MALRD1: variants seen among roughly 807,000 people sequenced by gnomAD.
MALRD1 encodes MAM and LDL receptor class A domain containing 1, also known as MAM and LDL-receptor class A domain-containing protein 1.
MALRD1 carries 247 observed loss-of-function variants against 242.1 expected under a neutral mutation model. The ratio of observed to expected loss-of-function variants is 1.02; its 90% CI spans 0.92 to 1.13. MALRD1 has a LOEUF of 1.13. MALRD1 is among the 50% of genes most tolerant of loss of function. The pLI is 0.00. For missense variants in MALRD1, 2,989 were observed against 2,533.1 expected, an observed-to-expected ratio of 1.18 and a Z score of -3.86; for synonymous variants, 995 against 866.6, an observed-to-expected ratio of 1.15 and a Z score of -2.60.
At position 19,438,216 on chromosome 10, in the gene MALRD1, G is replaced by A. The variant is rs566687320; in HGVS notation, c.4846-12091G>A. ...TGTCTTATATAAGTGGAATCATGGA[G>A]TATTTGTCTTTTCGTCACTACCCTA... On this transcript the variant is annotated intron_variant, in intron 28 of 39. Transcript: ENST00000454679. 2.0e-5 allele frequency among the ~76,000 whole-genome samples: 3 copies of A among 151,966 alleles called. No individual in the cohort carries two copies. In the South Asian group the frequency reaches 6.2e-4, roughly 32 times the overall value.
chr10:19,587,649 A>G (rs1837506720), intron 33 of MALRD1, among the ~76,000 whole-genome samples: 1 of 152,268 alleles, frequency 6.6e-6, no homozygotes. Flanking sequence ...TAAATGAACA[A>G]TGAAACTTAA....
At chr10:19,717,595 A>G (rs773806171) in intron 38 of MALRD1, among the ~76,000 whole-genome samples, 5 of 152,192 alleles carry the variant, frequency 3.3e-5, no homozygotes, top group Non-Finnish European at 5.9e-5. Context: ...GTGTTTTATT[A>G]TTAATGCGAA....
At chr10:19,709,122 A>G (rs1368714697) in intron 38 of MALRD1, among the ~76,000 whole-genome samples, 2 of 142,394 alleles carry the variant, frequency 1.4e-5, no homozygotes, top group East Asian at 4.3e-4. Context: ...TATTTCCATT[A>G]TGACTGGGTG....
At chr10:19,471,636 AG>A (rs1218277518) in intron 29 of MALRD1, among the ~76,000 whole-genome samples, 2 of 134,860 alleles carry the variant, frequency 1.5e-5, no homozygotes, top group Non-Finnish European at 3.2e-5. Flanking sequence ...TTTACTTTTC[AG>A]TATGCATATA....
In MALRD1 at chr10:19,048,839, A is replaced by C; in HGVS notation, c.-100A>C. On this transcript the variant is annotated 5_prime_UTR_variant, in exon 1 of 40. Coordinates refer to ENST00000454679, the MANE Select transcript of MALRD1 (RefSeq NM_001142308.3). ...GTTACCAATAGTATCCAGTTATAAG[A>C]AGCAAATCTGGGAAAGGAAGAATAG... 1 of 943,558 alleles carries C rather than the reference A, an allele frequency of 1.1e-6. No homozygotes were observed. The highest frequency in any genetic ancestry group is 1.4e-6 in the Non-Finnish European group (1 of 724,408). 58.4% of individuals were successfully genotyped at this position (943,558 alleles called of 1,614,324 possible).
chr10:19,254,645 C>T (rs1839426838), intron 18 of MALRD1, among the ~76,000 whole-genome samples: 1 of 151,670 alleles, frequency 6.6e-6, no homozygotes, highest in South Asian at 2.1e-4. Context: ...AAAATTTCTG[C>T]CTCAGATATA....
At chr10:19,513,389 TTA>T (rs1386284025) in intron 31 of MALRD1, among the ~76,000 whole-genome samples, 1 of 152,120 alleles carries the variant, frequency 6.6e-6, no homozygotes, top group Non-Finnish European at 1.5e-5. Flanking sequence ...GGTGCCATGC[TTA>T]TACAGCTTGC....
At chr10:19,599,870 C>T (rs557478696) in intron 34 of MALRD1, among the ~76,000 whole-genome samples, 1 of 152,270 alleles carries the variant, frequency 6.6e-6, no homozygotes, top group African/African-American at 2.4e-5. Context: ...CTGTATTAAT[C>T]TGCTGGTGGT....
chr10:19,627,491 A>C (rs375528158), intron 36 of MALRD1, among the ~76,000 whole-genome samples: 1 of 152,080 alleles, frequency 6.6e-6, no homozygotes, highest in East Asian at 1.9e-4. Context: ...TAATCCCAGC[A>C]CTTTGGGAGG....
At chr10:19,476,755 A>G (rs532579064) in intron 29 of MALRD1, among the ~76,000 whole-genome samples, 3 of 152,254 alleles carry the variant, frequency 2.0e-5, no homozygotes, top group South Asian at 2.1e-4. Flanking sequence ...ACATAATAGC[A>G]CTTATTTTAC....
chr10:19,066,894 C>T (rs759362937), intron 2 of MALRD1, 35 bp downstream of exon 2: 38 of 1,227,664 alleles, frequency 3.1e-5, no homozygotes, highest in East Asian at 6.3e-5. Flanking sequence ...CCCCTCTCTC[C>T]CTTCCTCCTT....
intron 38 of MALRD1, among the ~76,000 whole-genome samples, chr10:19,724,455 C>G (rs981381712): frequency 3.3e-5 from 5 of 152,182 alleles, no homozygotes; most frequent in Non-Finnish European, 7.3e-5. Context: ...TCAGCAGGAA[C>G]ATTGTGCTGT....
chr10:19,066,963 A>G, intron 2 of MALRD1, 104 bp downstream of exon 2: 1 of 834,112 alleles, frequency 1.2e-6, no homozygotes, highest in Middle Eastern at 2.5e-4. Context: ...TCCGTTCCCC[A>G]CCACATGTTT....
intron 21 of MALRD1, among the ~76,000 whole-genome samples, chr10:19,315,597 A>ATATAAATATATAAAT (rs1554831033): frequency 0.19 from 14,053 of 72,348 alleles, 2,290 homozygotes; most frequent in Non-Finnish European, 0.27. Context: ...ATAAATATTT[A>ATATAAATATATAAAT]TATAAATTAT....
chr10:19,687,301 G>A (rs1472030343), intron 36 of MALRD1, among the ~76,000 whole-genome samples: 1 of 152,128 alleles, frequency 6.6e-6, no homozygotes, highest in African/African-American at 2.4e-5. Context: ...GAGATTACCT[G>A]CAAAGGGCTC....
At chr10:19,086,548 AGT>A (rs1835675617) in intron 2 of MALRD1, among the ~76,000 whole-genome samples, 1 of 152,110 alleles carries the variant, frequency 6.6e-6, no homozygotes, top group Non-Finnish European at 1.5e-5. Flanking sequence ...TCCGTACTGC[AGT>A]GCATTTGAAA....
chr10:19,647,620 AG>A (rs1457637839), intron 36 of MALRD1, among the ~76,000 whole-genome samples: 1 of 152,196 alleles, frequency 6.6e-6, no homozygotes, highest in Non-Finnish European at 1.5e-5. Flanking sequence ...TAATTTATAT[AG>A]GGAGAACCTA....
chr10:19,188,542 A>G, intron 14 of MALRD1, among the ~76,000 whole-genome samples: 1 of 121,930 alleles, frequency 8.2e-6, no homozygotes, highest in East Asian at 2.2e-4. Context: ...TCGAGTTTAC[A>G]CTGTGATCTT....
chr10:19,643,484 T>C (rs1264609547), intron 36 of MALRD1, among the ~76,000 whole-genome samples: 1 of 151,848 alleles, frequency 6.6e-6, no homozygotes, highest in Non-Finnish European at 1.5e-5. Flanking sequence ...TAAGACTGTG[T>C]TTATTATTTA....
Sources: gnomAD v4.1 joint callset for allele counts (sites outside exome capture counted in the v4.1 genomes callset) on GRCh38, gnomAD v4.1.1 for gene constraint, MANE v1.5 for transcripts, NCBI Gene and HGNC (gene_info 2026-07-23, HGNC 2026-07-21) for gene names.